The following LUZP2 variants were observed in gnomAD, a reference collection of about 807,000 sequenced individuals.
The protein encoded by LUZP2 is leucine zipper protein 2.
A neutral mutation model predicts 51.6 loss-of-function variants in LUZP2; 52 were observed. That is an observed-to-expected ratio of 1.01 (90% confidence interval 0.81 to 1.27). LUZP2 has a LOEUF of 1.27. Ranked by LOEUF, LUZP2 falls within the 50% of genes most tolerant of loss-of-function variation. LUZP2 has a pLI of 0.00. For missense variants in LUZP2, 436 were observed against 395.4 expected (o/e 1.10, Z -0.87); for synonymous variants, 154 against 137.3 (o/e 1.12, Z -0.85).
intron 1 of LUZP2, among the ~76,000 whole-genome samples, chr11:24,703,995 A>G (rs1378874586): frequency 1.3e-5 from 2 of 152,210 alleles, no homozygotes; most frequent in African/African-American, 2.4e-5. Context: ...AAAAAGAATG[A>G]TTTGATTTTC....
chr11:24,742,750 T>C (rs1859230208), intron 4 of LUZP2, among the ~76,000 whole-genome samples: 1 of 152,148 alleles, frequency 6.6e-6, no homozygotes, highest in Non-Finnish European at 1.5e-5. Context: ...TTTGGGTTCT[T>C]TGTTATGAGA....
chr11:24,997,438 T>C (rs1158180435), intron 9 of LUZP2, among the ~76,000 whole-genome samples: 1 of 152,184 alleles, frequency 6.6e-6, no homozygotes, highest in Admixed American at 6.5e-5. Flanking sequence ...TGTCTGTTCA[T>C]GTCCTTCGCC....
intron 6 of LUZP2, 108 bp downstream of exon 6, chr11:24,906,161 T>C (rs1007552372): frequency 6.9e-6 from 4 of 580,464 alleles, no homozygotes; most frequent in African/African-American, 1.9e-5. Flanking sequence ...CTAATACAAA[T>C]GCCAATTTTT....
At chr11:24,854,982 G>A (rs577570329) in intron 5 of LUZP2, among the ~76,000 whole-genome samples, 28 of 152,238 alleles carry the variant, frequency 1.8e-4, no homozygotes, top group Middle Eastern at 6.8e-3. Context: ...CAGTCCCAGT[G>A]AGATGAGCTG....
At chr11:24,734,228 G>A (rs867979758) in intron 3 of LUZP2, among the ~76,000 whole-genome samples, 25 of 144,606 alleles carry the variant, frequency 1.7e-4, no homozygotes, top group African/African-American at 6.5e-4. Flanking sequence ...AATAAAGTCA[G>A]CCTTTCCTTA....
At chr11:24,503,154 T>G (rs1309092734) in intron 1 of LUZP2, among the ~76,000 whole-genome samples, 3 of 152,236 alleles carry the variant, frequency 2.0e-5, no homozygotes, top group Non-Finnish European at 2.9e-5. Flanking sequence ...CTTTAGTGGT[T>G]GTTGACCATC....
At chr11:24,600,748 G>A (rs1200106238) in intron 1 of LUZP2, among the ~76,000 whole-genome samples, 4 of 152,040 alleles carry the variant, frequency 2.6e-5, no homozygotes, top group East Asian at 1.9e-4. Context: ...TAGTATAAAC[G>A]TAAGCACAGG....
intron 5 of LUZP2, among the ~76,000 whole-genome samples, chr11:24,823,807 T>C (rs1289813079): frequency 6.6e-6 from 1 of 152,138 alleles, no homozygotes; most frequent in African/African-American, 2.4e-5. Flanking sequence ...TTCACACCTG[T>C]AATCCGAGCA....
At chr11:24,896,598 G>A (rs565581673) in intron 5 of LUZP2, among the ~76,000 whole-genome samples, 22 of 152,222 alleles carry the variant, frequency 1.4e-4, no homozygotes, top group Non-Finnish European at 2.9e-4. Context: ...ATGGGATACC[G>A]CATGGCCCCA....
intron 5 of LUZP2, among the ~76,000 whole-genome samples, chr11:24,797,613 C>A (rs1476373155): frequency 6.6e-6 from 1 of 152,120 alleles, no homozygotes; most frequent in Non-Finnish European, 1.5e-5. Flanking sequence ...AGTAGAAATG[C>A]TCTGTAGTAG....
At chr11:24,578,536 G>C (rs1205031740) in intron 1 of LUZP2, among the ~76,000 whole-genome samples, 1 of 149,486 alleles carries the variant, frequency 6.7e-6, no homozygotes, top group Non-Finnish European at 1.5e-5. Context: ...AGTCACCCTA[G>C]GTGCCCAGTG....
chr11:24,850,468 C>A (rs1851357103), intron 5 of LUZP2, among the ~76,000 whole-genome samples: 1 of 151,954 alleles, frequency 6.6e-6, no homozygotes, highest in South Asian at 2.1e-4. Flanking sequence ...CTGTTCTGTT[C>A]CATTGGTCTA....
chr11:24,686,224 A>G (rs2133879503), intron 1 of LUZP2, among the ~76,000 whole-genome samples: 1 of 9,822 alleles, frequency 1.0e-4, no homozygotes, highest in Non-Finnish European at 2.1e-4. Flanking sequence ...TGAACTCTGC[A>G]AAAAAAAAAA....
intron 8 of LUZP2, among the ~76,000 whole-genome samples, chr11:24,980,986 G>A (rs1457232181): frequency 1.3e-5 from 2 of 151,734 alleles, no homozygotes. Flanking sequence ...TGCAGGGAGC[G>A]GAAAGACAGA....
At chr11:24,930,494 T>G (rs1005391931) in intron 7 of LUZP2, among the ~76,000 whole-genome samples, 1 of 152,222 alleles carries the variant, frequency 6.6e-6, no homozygotes, top group Non-Finnish European at 1.5e-5. Flanking sequence ...TTAGTTTCAC[T>G]GGATACAAAA....
At chr11:24,777,938 T>A (rs1848985318) in intron 5 of LUZP2, among the ~76,000 whole-genome samples, 1 of 152,124 alleles carries the variant, frequency 6.6e-6, no homozygotes, top group Non-Finnish European at 1.5e-5. Flanking sequence ...TTTAATATTA[T>A]ATCTTCTCCA....
chr11:24,596,325 C>A (rs2133852522), intron 1 of LUZP2, among the ~76,000 whole-genome samples: 1 of 152,232 alleles, frequency 6.6e-6, no homozygotes, highest in Non-Finnish European at 1.5e-5. Flanking sequence ...AATCAGCTTT[C>A]AAGTTTTGTG....
intron 7 of LUZP2, among the ~76,000 whole-genome samples, chr11:24,939,924 C>T (rs1854695015): frequency 6.6e-6 from 1 of 152,132 alleles, no homozygotes; most frequent in African/African-American, 2.4e-5. Context: ...GGTTCCTGGG[C>T]ATGACTTATC....
chr11:24,778,787 C>G (rs1249693762), intron 5 of LUZP2, among the ~76,000 whole-genome samples: 1 of 152,142 alleles, frequency 6.6e-6, no homozygotes, highest in African/African-American at 2.4e-5. Flanking sequence ...TTGTGAATAT[C>G]ACTGGTAAAA....
Sources: gnomAD v4.1 joint callset for allele counts (sites outside exome capture counted in the v4.1 genomes callset) on GRCh38, gnomAD v4.1.1 for gene constraint, MANE v1.5 for transcripts, NCBI Gene and HGNC (gene_info 2026-07-23, HGNC 2026-07-21) for gene names.